DUSP16: variants seen among roughly 807,000 people sequenced by gnomAD.
DUSP16 encodes the protein dual specificity phosphatase 16.
DUSP16 carries 21 observed loss-of-function variants against 58.3 expected under a neutral mutation model. The observed-to-expected ratio is 0.36, with a 90% CI of 0.26 to 0.52. The LOEUF (loss-of-function observed/expected upper bound fraction) is 0.52, where lower values mean the gene tolerates loss of function less well. DUSP16 is among the 20% of genes least tolerant of loss of function. DUSP16 has a pLI of 0.94. For synonymous variants in DUSP16, 320 were observed against 323.8 expected (o/e 0.99, Z 0.12); for missense variants, 726 against 819.0 (o/e 0.89, Z 1.39).
In DUSP16 at chr12:12,476,609, C is replaced by T. The variant is rs1031001557; in HGVS notation, c.*224G>A. ...GGTTTTCCTCCGTCTAGGGGGGATT[C>T]TAGCATCTGCCCTTCCATTTTTGTT... On this transcript the variant is annotated 3_prime_UTR_variant, in exon 7 of 7. Transcript: ENST00000298573. The T allele has an allele frequency of 1.1e-5, 5 of 475,656 alleles. No homozygotes were observed. The highest frequency in any genetic ancestry group is 1.8e-5 in the Non-Finnish European group (5 of 273,036). The allele number at this position is 475,656 out of a possible 1,614,324, so 29.5% of individuals were successfully genotyped here.
intron 1 of DUSP16, among the ~76,000 whole-genome samples, chr12:12,536,381 G>A (rs1295822927): frequency 2.0e-5 from 3 of 152,204 alleles, no homozygotes; most frequent in Admixed American, 6.5e-5. Context: ...AGCAAAATGA[G>A]CACTATGTAC....
intron 3 of DUSP16, among the ~76,000 whole-genome samples, chr12:12,500,931 T>C (rs1476482884): frequency 6.6e-6 from 1 of 152,064 alleles, no homozygotes; most frequent in Non-Finnish European, 1.5e-5. Context: ...CTCTCAGATA[T>C]TCTCTTCATC....
At chr12:12,509,121 C>T (rs1944039074) in intron 3 of DUSP16, among the ~76,000 whole-genome samples, 1 of 152,170 alleles carries the variant, frequency 6.6e-6, no homozygotes, top group Non-Finnish European at 1.5e-5. Flanking sequence ...GTTCTAAAGA[C>T]TGCAACCAGA....
chr12:12,554,530 A>C (rs1592215612), intron 1 of DUSP16: 1 of 152,146 alleles, frequency 6.6e-6, no homozygotes. Flanking sequence ...ACAAACTCCA[A>C]CTTACCCATT....
chr12:12,501,809 T>C (rs1354027990), intron 3 of DUSP16, among the ~76,000 whole-genome samples: 2 of 152,078 alleles, frequency 1.3e-5, no homozygotes, highest in Non-Finnish European at 2.9e-5. Flanking sequence ...CTGGCTAACA[T>C]GGTGAAACCG....
chr12:12,525,469 T>TGTCA (rs10695021), intron 1 of DUSP16, among the ~76,000 whole-genome samples: 34,975 of 151,638 alleles, frequency 0.23, 4,327 homozygotes, highest in East Asian at 0.39. Context: ...GGTTTCTCCA[T>TGTCA]GTCAGGCTGG....
At chr12:12,553,699 C>T (rs140081674) in intron 1 of DUSP16, among the ~76,000 whole-genome samples, 4 of 152,078 alleles carry the variant, frequency 2.6e-5, no homozygotes, top group Admixed American at 2.6e-4. Flanking sequence ...TGCACCATCA[C>T]ACCCAGCCAA....
At chr12:12,541,090 C>T (rs1186333212) in intron 1 of DUSP16, among the ~76,000 whole-genome samples, 2 of 151,186 alleles carry the variant, frequency 1.3e-5, no homozygotes, top group African/African-American at 4.9e-5. Flanking sequence ...TCCCGAGTAA[C>T]TGGGACTACA....
At position 12,500,534 on chromosome 12, in the gene DUSP16, T is replaced by C; in HGVS notation, c.516A>G (p.Arg172=). ...ILPNLYLGCQ[R]DVLNKELMQQ... is the part of the protein sequence containing the mutation. ...AAGCACCCACCTTGTTGAGGACATC[T>C]CGCTGGCAGCCAAGATAAAGATTGG... The change falls in exon 4 of 7, where the codon CGA becomes CGG. Residue 172 remains arginine, a synonymous_variant. Coordinates refer to ENST00000298573, the MANE Select transcript of DUSP16 (RefSeq NM_030640.3). The C allele has an allele frequency of 4.3e-6, 7 of 1,609,726 alleles. No individual in the cohort carries two copies. Among genetic ancestry groups the C allele is most frequent in the Non-Finnish European group, 5.9e-6 (7 of 1,178,412 alleles).
At chr12:12,492,260 A>G (rs555490788) in intron 4 of DUSP16, among the ~76,000 whole-genome samples, 1 of 151,972 alleles carries the variant, frequency 6.6e-6, no homozygotes, top group East Asian at 1.9e-4. Context: ...CAAACTCCCT[A>G]TATGTCCCCA....
At chr12:12,508,067 A>G (rs1488283703) in intron 3 of DUSP16, among the ~76,000 whole-genome samples, 4 of 152,362 alleles carry the variant, frequency 2.6e-5, no homozygotes. Context: ...TCTTCTCTCC[A>G]TACTGGAAAG....
intron 1 of DUSP16, among the ~76,000 whole-genome samples, chr12:12,540,040 C>CTT (rs1944527901): frequency 6.7e-6 from 1 of 149,274 alleles, no homozygotes; most frequent in Non-Finnish European, 1.5e-5. Flanking sequence ...GGGCGACAGA[C>CTT]TGAGACTCTG....
At chr12:12,552,849 C>T (rs7954212) in intron 1 of DUSP16, among the ~76,000 whole-genome samples, 1 of 151,986 alleles carries the variant, frequency 6.6e-6, no homozygotes, top group East Asian at 1.9e-4. Flanking sequence ...GGCAGGATCT[C>T]GGCTCACTGC....
At chr12:12,498,300 G>C (rs1943860340) in intron 4 of DUSP16, among the ~76,000 whole-genome samples, 1 of 152,132 alleles carries the variant, frequency 6.6e-6, no homozygotes, top group Admixed American at 6.5e-5. Flanking sequence ...ATCAAATGCT[G>C]GTGGCTGACT....
At position 12,521,072 on chromosome 12, in the gene DUSP16, T is replaced by A; in HGVS notation, c.27A>T (p.Gln9His). 6.2e-7 allele frequency: 1 copy of A among 1,614,168 alleles called. No homozygotes were observed. The highest frequency in any genetic ancestry group is 1.7e-5 in the Admixed American group (1 of 60,014). MAHEMIGT[Q>H]IVTERLVALL... is the part of the protein sequence containing the mutation. ...GAGCCACCAACCTCTCAGTAACAAT[T>A]TGAGTTCCAATCATCTCATGGGCCA... is the stretch of plus-strand genomic sequence containing the variant. Residue 9 changes from glutamine (Q) to histidine (H), a missense_variant, in exon 2 of 7, where the codon CAA (glutamine) becomes CAT (histidine). Physicochemically the swap from Gln to His is conservative, Grantham distance 24 (BLOSUM62 0). Coordinates refer to ENST00000298573, the MANE Select transcript of DUSP16 (RefSeq NM_030640.3).
intron 1 of DUSP16, among the ~76,000 whole-genome samples, chr12:12,551,780 C>T (rs181768806): frequency 9.8e-4 from 149 of 151,928 alleles, no homozygotes; most frequent in Admixed American, 3.1e-3. Context: ...GAAACCTCCA[C>T]CTCCCAGGTT....
chr12:12,543,341 A>C (rs1270952183), intron 1 of DUSP16, among the ~76,000 whole-genome samples: 1 of 152,198 alleles, frequency 6.6e-6, no homozygotes, highest in Non-Finnish European at 1.5e-5. Context: ...TGGTTCAGAA[A>C]AATGTATCAT....
chr12:12,499,143 G>A (rs1057387975), intron 4 of DUSP16, among the ~76,000 whole-genome samples: 2 of 152,294 alleles, frequency 1.3e-5, no homozygotes, highest in Non-Finnish European at 2.9e-5. Context: ...ATTACTTGTG[G>A]AATGACCTGC....
At position 12,474,254 on chromosome 12, in the gene DUSP16, T is replaced by G. The variant is rs1188151336; in HGVS notation, c.*2579A>C. The stretch of plus-strand genomic sequence containing the variant: ...AAACAGGTACCAGTTTTGATTTTAT[T>G]TAATCATTTCATACATTAACATACA... On this transcript the variant is annotated 3_prime_UTR_variant, in exon 7 of 7. Transcript: ENST00000298573. 1 of 152,242 alleles carries G rather than the reference T, an allele frequency of 6.6e-6. No homozygotes were observed. The highest frequency in any genetic ancestry group is 1.5e-5 in the Non-Finnish European group (1 of 68,048). The allele number at this position is 152,242 out of a possible 1,614,324, so 9.4% of individuals were successfully genotyped here.
Sources: gnomAD v4.1 joint callset for allele counts (sites outside exome capture counted in the v4.1 genomes callset) on GRCh38, gnomAD v4.1.1 for gene constraint, MANE v1.5 for transcripts, NCBI Gene and HGNC (gene_info 2026-07-23, HGNC 2026-07-21) for gene names.